AKR1E2: variants seen among roughly 807,000 people sequenced by gnomAD.
AKR1E2 encodes the protein aldo-keto reductase family 1 member E2.
In AKR1E2, 43 loss-of-function variants were observed where a neutral mutation model predicts 41.9. The ratio of observed to expected loss-of-function variants is 1.03; its 90% confidence interval spans 0.80 to 1.32. The LOEUF is 1.32. Ranked by LOEUF, AKR1E2 falls within the 40% of genes most tolerant of loss-of-function variation. AKR1E2 has a pLI of 0.00. For missense variants in AKR1E2, 423 were observed against 396.5 expected, an observed-to-expected ratio of 1.07 and a Z score of -0.57; for synonymous variants, 121 against 138.9, an observed-to-expected ratio of 0.87 and a Z score of 0.91.
At chr10:4,843,622 G>A (rs1834058312) in intron 8 of AKR1E2, among the ~76,000 whole-genome samples, 2 of 152,340 alleles carry the variant, frequency 1.3e-5, no homozygotes, top group South Asian at 2.1e-4. Context: ...TCGCCATTGG[G>A]GTTTATTGAC....
downstream of AKR1E2, among the ~76,000 whole-genome samples, chr10:4,851,187 C>T (rs1270206560): frequency 1.3e-5 from 2 of 152,234 alleles, no homozygotes; most frequent in Admixed American, 6.5e-5. Context: ...GATCAAGACC[C>T]TGTGTCTTCA....
chr10:4,826,491 G>A, intron 1 of AKR1E2, 128 bp downstream of exon 1: 1 of 882,156 alleles, frequency 1.1e-6, no homozygotes, highest in Non-Finnish European at 1.5e-6. Context: ...CCGACGCCCG[G>A]GAAAGGCGCT....
At chr10:4,856,119 C>T in the AKR1E2 span, among the ~76,000 whole-genome samples, 23 of 152,170 alleles carry the variant, frequency 1.5e-4, no homozygotes, top group Non-Finnish European at 2.8e-4. Flanking sequence ...AGAAACTGTT[C>T]TACATGCAAG....
chr10:4,831,215 C>T (rs967138015), intron 2 of AKR1E2, among the ~76,000 whole-genome samples: 4 of 152,164 alleles, frequency 2.6e-5, no homozygotes, highest in African/African-American at 9.7e-5. Context: ...CCAAATTCTA[C>T]CCCACATCTG....
rs138353224 is a variant in AKR1E2 at position 4,839,877 on chromosome 10, G to T, written c.680+51G>T. On this transcript the variant is annotated intron_variant, in intron 6 of 9. Transcript: ENST00000298375. Reference sequence around the variant, plus strand: ...GTCAGAGTCCGACTGGGAAGTAGATGCCACCTTCTCATTTCCTTGGGATGA... The same window carrying T: ...GTCAGAGTCCGACTGGGAAGTAGATTCCACCTTCTCATTTCCTTGGGATGA... 3 of 1,501,636 alleles carry T rather than the reference G, an allele frequency of 2.0e-6. No individual in the cohort carries two copies. The Admixed American group carries it at 5.0e-5, about 25-fold the overall frequency. 93.0% of individuals were successfully genotyped at this position (1,501,636 alleles called of 1,614,324 possible).
At position 4,841,533 on chromosome 10, in the gene AKR1E2, T is replaced by C. The variant is rs12573397; in HGVS notation, c.681-252T>C. On this transcript the variant is annotated intron_variant, in intron 6 of 9. Transcript: ENST00000298375. ...CATGCGCTGACATGGCCACCTGGTT[T>C]TTGAGGAGAAACACCAAATACACAT... 0.035 allele frequency among the ~76,000 whole-genome samples: 5,300 copies of C among 152,202 alleles called. 150 individuals carry two copies. The highest frequency in any genetic ancestry group is 0.11 in the East Asian group (586 of 5,152).
In AKR1E2 at chr10:4,841,947, G is replaced by A. The variant is rs894627701; in HGVS notation, c.753+90G>A. On this transcript the variant is annotated intron_variant, in intron 7 of 9. Transcript: ENST00000298375. ...CCTGGGGCTTGGCAGGTCCCAGGAA[G>A]GGACTGGCTCACCCAGGTGAGTCCA... is the stretch of plus-strand genomic sequence containing the variant. 5.8e-6 allele frequency: 7 copies of A among 1,211,362 alleles called. No homozygotes were observed. The African/African-American group carries it at 6.1e-5, about 11-fold the overall frequency. 75.0% of individuals were successfully genotyped at this position (1,211,362 alleles called of 1,614,324 possible).
intron 3 of AKR1E2, 53 bp from the exon 4 acceptor site, chr10:4,835,622 T>TTCTTG: frequency 6.4e-7 from 1 of 1,553,832 alleles, no homozygotes; most frequent in East Asian, 2.4e-5. Flanking sequence ...CACATGGTTT[T>TTCTTG]TTTTGTTTTG....
At chr10:4,854,885 G>A in the AKR1E2 span, among the ~76,000 whole-genome samples, 10 of 152,224 alleles carry the variant, frequency 6.6e-5, no homozygotes, top group South Asian at 2.1e-4. Flanking sequence ...AGTCTCTTTC[G>A]GCTAAGAATG....
At chr10:4,860,767 G>T in the AKR1E2 span, among the ~76,000 whole-genome samples, 2 of 152,116 alleles carry the variant, frequency 1.3e-5, no homozygotes, top group East Asian at 3.9e-4. Flanking sequence ...TCAAAGCAAT[G>T]GTATGAATAT....
rs564600616 is a variant in AKR1E2 at position 4,834,959 on chromosome 10, T to C, written c.325-716T>C. On this transcript the variant is annotated intron_variant, in intron 3 of 9. Coordinates refer to ENST00000298375, the MANE Select transcript of AKR1E2 (RefSeq NM_001040177.3). ...GATAAATGGCAACATGGGATGTGGC[T>C]TTAAAGTGAGACTGTTAGTTACTTC... is the stretch of plus-strand genomic sequence containing the variant. Among the ~76,000 whole-genome samples the C allele has an allele frequency of 4.6e-5, 7 of 152,344 alleles. No individual in the cohort carries two copies. The East Asian group carries it at 7.7e-4, about 17-fold the overall frequency.
At chr10:4,852,767 C>CT (rs1347827393), downstream of AKR1E2, among the ~76,000 whole-genome samples, 13 of 151,862 alleles carry the variant, frequency 8.6e-5, no homozygotes, top group East Asian at 7.7e-4. Context: ...ATATTTTATT[C>CT]TTTTTTTTGG....
the AKR1E2 span, among the ~76,000 whole-genome samples, chr10:4,869,107 G>T: frequency 8.5e-5 from 13 of 152,216 alleles, no homozygotes; most frequent in Admixed American, 1.3e-4. Context: ...CGATTGTATA[G>T]AATTGGTGTT....
rs558286832 is a variant in AKR1E2 at position 4,841,995 on chromosome 10, G to T, written c.753+138G>T. 14 of 691,858 alleles carry T rather than the reference G, an allele frequency of 2.0e-5. No homozygotes were observed. The East Asian group carries it at 2.6e-4, about 13-fold the overall frequency. The allele number at this position is 691,858 out of a possible 1,614,324, so 42.9% of individuals were successfully genotyped here. On this transcript the variant is annotated intron_variant, in intron 7 of 9. Transcript: ENST00000298375. ...CCATGACTCATTAGAACCTCCCAGC[G>T]TCAAGCAGAATTTGGTCTGCAGCCG...
intron 1 of AKR1E2, among the ~76,000 whole-genome samples, chr10:4,828,120 A>G (rs995215825): frequency 6.6e-6 from 1 of 152,200 alleles, no homozygotes; most frequent in Non-Finnish European, 1.5e-5. Flanking sequence ...TGCTGCATCA[A>G]TGGCCAAACA....
the AKR1E2 span, among the ~76,000 whole-genome samples, chr10:4,870,955 C>T: frequency 6.6e-6 from 1 of 152,046 alleles, no homozygotes. Flanking sequence ...TCTACAAGTC[C>T]TTGAAGCTCT....
In AKR1E2 at chr10:4,847,550, T is replaced by C; in HGVS notation, c.*20T>C. 6.2e-7 allele frequency: 1 copy of C among 1,613,262 alleles called. No individual in the cohort carries two copies. The highest frequency in any genetic ancestry group is 2.2e-5 in the East Asian group (1 of 44,892). On this transcript the variant is annotated 3_prime_UTR_variant, in exon 10 of 10. Coordinates refer to ENST00000298375, the MANE Select transcript of AKR1E2 (RefSeq NM_001040177.3). ...TACTGAGGACGCTTCCCCTTCCTTG[T>C]TTCTGCTCAGCCCAGATGCACAGAC...
chr10:4,830,468 T>C (rs1043916092), intron 1 of AKR1E2, among the ~76,000 whole-genome samples: 10 of 152,178 alleles, frequency 6.6e-5, no homozygotes, highest in Middle Eastern at 3.4e-3. Context: ...AGTTTTTTTT[T>C]CCCAAAATAT....
At chr10:4,868,373 C>G in the AKR1E2 span, among the ~76,000 whole-genome samples, 3 of 152,142 alleles carry the variant, frequency 2.0e-5, no homozygotes, top group Non-Finnish European at 4.4e-5. Context: ...TTTAGTTGCT[C>G]TGGTCAAAAT....
Sources: gnomAD v4.1 joint callset for allele counts (sites outside exome capture counted in the v4.1 genomes callset) on GRCh38, gnomAD v4.1.1 for gene constraint, MANE v1.5 for transcripts, NCBI Gene and HGNC (gene_info 2026-07-23, HGNC 2026-07-21) for gene names.